Variants in BBLN observed in about 807,000 individuals in gnomAD.
The protein encoded by BBLN is bublin coiled-coil protein.
BBLN carries 6 observed loss-of-function variants against 7.6 expected under a neutral mutation model. The ratio of observed to expected loss-of-function variants is 0.79; its 90% CI spans 0.43 to 1.55. The LOEUF is 1.55. Ranked by LOEUF, BBLN falls within the 40% of genes most tolerant of loss-of-function variation. BBLN has a pLI of 0.01. For synonymous variants in BBLN, 35 were observed against 46.7 expected (o/e 0.75, Z 1.02); for missense variants, 100 against 111.1 (o/e 0.90, Z 0.45).
chr9:128,161,087 C>CAAAAAAAAAAA lies in BBLN; in HGVS notation c.79+609_79+610insAAAAAAAAAAA, dbSNP rs10524542. ...CACTGGGATGTGTCAGAATTAAATG[C>CAAAAAAAAAAA]AAAAAAAAGGAAAATCCTTAGCAGG... On this transcript the variant is annotated intron_variant, in intron 1 of 1. Transcript: ENST00000372994. Among the ~76,000 whole-genome samples the CAAAAAAAAAAA allele has an allele frequency of 7.9e-3, 993 of 125,868 alleles. 29 individuals are homozygous for CAAAAAAAAAAA. The highest frequency in any genetic ancestry group is 0.023 in the South Asian group (87 of 3,778). The allele number at this position is 125,868 out of a possible 152,430, so 82.6% of individuals were successfully genotyped here.
At position 128,160,420 on chromosome 9, in the gene BBLN, A is replaced by G; in HGVS notation, c.13A>G (p.Asn5Asp). The change falls in exon 1 of 2, where the codon AAC becomes GAC. Residue 5 changes from asparagine to aspartate, a missense_variant. Transcript: ENST00000372994. ...GCCCGAGCCCGCAATGTCGGGCCCCAACGGAGACCTGGGGATGCCGGTGGA... is the reference window on the plus strand; with the variant it reads ...GCCCGAGCCCGCAATGTCGGGCCCCGACGGAGACCTGGGGATGCCGGTGGA... MSGPNGDLGMPVEAG... is the reference protein window; with the variant it reads MSGPDGDLGMPVEAG... 2 of 1,267,306 alleles carry G rather than the reference A, an allele frequency of 1.6e-6. No homozygotes were observed. Among genetic ancestry groups the G allele is most frequent in the Admixed American group, 4.2e-5 (1 of 23,842 alleles). 78.5% of individuals were successfully genotyped at this position (1,267,306 alleles called of 1,614,324 possible). A position where few individuals can be genotyped will look rare whatever the true frequency, so the allele number is the denominator to read the frequency against.
In BBLN at chr9:128,163,397, C is replaced by A. The variant is rs543043015; in HGVS notation, c.80-46C>A. 1.0e-5 allele frequency: 15 copies of A among 1,478,322 alleles called. No homozygotes were observed. In the South Asian group the frequency reaches 2.1e-4, roughly 21 times the overall value. The allele number at this position is 1,478,322 out of a possible 1,614,324, so 91.6% of individuals were successfully genotyped here. A position where few individuals can be genotyped will look rare whatever the true frequency, so the allele number is the denominator to read the frequency against. ...AGTGGAGGGAGGGTGTCCATTAGCCCCAAGGAGACACAGGATCTGGGCTCT... is the reference window on the plus strand; with the variant it reads ...AGTGGAGGGAGGGTGTCCATTAGCCACAAGGAGACACAGGATCTGGGCTCT... On this transcript the variant is annotated intron_variant, in intron 1 of 1. Transcript: ENST00000372994. This position sits in a 1 kb window ranked among gnomAD's most constrained non-coding sequence, Gnocchi z 5.7.
intron 1 of BBLN, among the ~76,000 whole-genome samples, chr9:128,161,847 C>T (rs1405216867): frequency 1.3e-5 from 2 of 152,052 alleles, no homozygotes; most frequent in Admixed American, 6.6e-5. Context: ...TTCACCACGT[C>T]GGCTAGGCTG....
chr9:128,161,663 C>T (rs56307289), intron 1 of BBLN, among the ~76,000 whole-genome samples: 3,417 of 147,172 alleles, frequency 0.023, 120 homozygotes, highest in African/African-American at 0.082. Context: ...TTTTTTGAGT[C>T]GGAGTCTTGC....
intron 1 of BBLN, among the ~76,000 whole-genome samples, chr9:128,161,276 A>G (rs2130883082): frequency 4.6e-5 from 1 of 21,704 alleles, no homozygotes; most frequent in African/African-American, 5.1e-5. Context: ...TATACAACTT[A>G]CCCATACTGT....
intron 1 of BBLN, among the ~76,000 whole-genome samples, chr9:128,160,914 T>G: frequency 6.6e-6 from 1 of 152,164 alleles, no homozygotes; most frequent in Non-Finnish European, 1.5e-5. Context: ...CCTCACAGCC[T>G]TGCCAAATGT....
Position 128,163,306 on chromosome 9 carries a change from G to A in BBLN, c.80-137G>A. 1 of 674,956 alleles carries A rather than the reference G, an allele frequency of 1.5e-6. No homozygotes were observed. The highest frequency in any genetic ancestry group is 2.3e-6 in the Non-Finnish European group (1 of 428,914). 41.8% of individuals were successfully genotyped at this position (674,956 alleles called of 1,614,324 possible). ...TGGTATTCCACCCATTTTCCAGACG[G>A]TGACACTGAGGCTCAGGAAGCAGTA... On this transcript the variant is annotated intron_variant, in intron 1 of 1. Coordinates refer to ENST00000372994, the MANE Select transcript of BBLN (RefSeq NM_024112.4). This position sits in a 1 kb window ranked among gnomAD's most constrained non-coding sequence, Gnocchi z 5.7.
chr9:128,162,391 C>T (rs1189496910), intron 1 of BBLN: 1 of 152,416 alleles, frequency 6.6e-6, no homozygotes, highest in Non-Finnish European at 1.5e-5. Flanking sequence ...TGGGCACAGG[C>T]CCAGACCTTG....
In BBLN at chr9:128,163,520, C is replaced by G; in HGVS notation, c.157C>G (p.His53Asp). ...DHLEEKNDHLHARLQELLESN... is the reference protein window; with the variant it reads ...DHLEEKNDHLDARLQELLESN... ...CCTGGAGGAGAAGAATGACCACCTCCACGCCCGCCTCCAGGAGCTGCTGGA... is the reference window on the plus strand; with the variant it reads ...CCTGGAGGAGAAGAATGACCACCTCGACGCCCGCCTCCAGGAGCTGCTGGA... Residue 53 changes from histidine (H) to aspartate (D), a missense_variant, in exon 2 of 2, where the codon CAC becomes GAC. Physicochemically the swap from His to Asp is moderately conservative, Grantham distance 81. Transcript: ENST00000372994. This position sits in a 1 kb window ranked among gnomAD's most constrained non-coding sequence, Gnocchi z 5.7. The G allele has an allele frequency of 6.2e-7, 1 of 1,612,546 alleles. No homozygotes were observed. The highest frequency in any genetic ancestry group is 8.5e-7 in the Non-Finnish European group (1 of 1,179,108).
In BBLN at chr9:128,160,289, G is replaced by A; in HGVS notation, c.-119G>A. On this transcript the variant is annotated 5_prime_UTR_variant, in exon 1 of 2. Coordinates refer to ENST00000372994, the MANE Select transcript of BBLN (RefSeq NM_024112.4). ...CCTCTGGGCGGAGATCTGCTGCCGCGTTCTACCCTTCCGGCCCGTGTTCTA... is the reference window on the plus strand; with the variant it reads ...CCTCTGGGCGGAGATCTGCTGCCGCATTCTACCCTTCCGGCCCGTGTTCTA... The A allele has an allele frequency of 2.0e-6, 1 of 503,046 alleles. No individual in the cohort carries two copies. Among genetic ancestry groups the A allele is most frequent in the Non-Finnish European group, 3.1e-6 (1 of 321,044 alleles). 31.2% of individuals were successfully genotyped at this position (503,046 alleles called of 1,614,324 possible).
intron 1 of BBLN, chr9:128,161,920 G>C (rs951034405): frequency 2.0e-5 from 3 of 152,280 alleles, no homozygotes; most frequent in African/African-American, 7.2e-5. Flanking sequence ...TGGGATTACA[G>C]GCGTGAGCCA....
chr9:128,161,026 CCT>C (rs1486664489), intron 1 of BBLN, among the ~76,000 whole-genome samples: 2 of 138,034 alleles, frequency 1.4e-5, no homozygotes, highest in Admixed American at 8.5e-5. Flanking sequence ...TCAGTTTCCC[CCT>C]CTATAAAATA....
In BBLN at chr9:128,161,087, C is replaced by CA. The variant is rs10524542; in HGVS notation, c.79+609dup. Among the ~76,000 whole-genome samples, 653 of 125,952 alleles carry CA rather than the reference C, an allele frequency of 5.2e-3. 13 individuals carry two copies. The highest frequency in any genetic ancestry group is 0.018 in the African/African-American group (620 of 34,200). The allele number at this position is 125,952 out of a possible 152,430, so 82.6% of individuals were successfully genotyped here. On this transcript the variant is annotated intron_variant, in intron 1 of 1. Transcript: ENST00000372994. ...CACTGGGATGTGTCAGAATTAAATG[C>CA]AAAAAAAAGGAAAATCCTTAGCAGG...
intron 1 of BBLN, chr9:128,162,602 C>T (rs886950220): frequency 1.3e-5 from 2 of 152,338 alleles, no homozygotes; most frequent in African/African-American, 4.8e-5. Context: ...AAGTCAGAGG[C>T]TTCATTCATT....
At chr9:128,162,456 G>A (rs1829266310) in intron 1 of BBLN, 1 of 152,694 alleles carries the variant, frequency 6.5e-6, no homozygotes, top group Non-Finnish European at 1.5e-5. Context: ...GGCCGTGGAG[G>A]GGAGGGAGTG....
At chr9:128,161,331 C>T (rs1272172854) in intron 1 of BBLN, among the ~76,000 whole-genome samples, 1 of 152,208 alleles carries the variant, frequency 6.6e-6, no homozygotes, top group Admixed American at 6.5e-5. Flanking sequence ...GTACATCCAT[C>T]ACAATAGTTT....
chr9:128,161,023 C>T (rs1408888767), intron 1 of BBLN, among the ~76,000 whole-genome samples: 2 of 136,336 alleles, frequency 1.5e-5, no homozygotes, highest in East Asian at 4.8e-4. Context: ...GCCTCAGTTT[C>T]CCCCTCTATA....
chr9:128,162,879 G>A (rs1829269152), intron 1 of BBLN: 1 of 154,282 alleles, frequency 6.5e-6, no homozygotes, highest in Non-Finnish European at 1.5e-5. Flanking sequence ...TCATCCAGGA[G>A]GAGAGAAGGG....
intron 1 of BBLN, among the ~76,000 whole-genome samples, chr9:128,161,593 AT>A (rs1289324564): frequency 6.6e-6 from 1 of 151,870 alleles, no homozygotes; most frequent in Non-Finnish European, 1.5e-5. Flanking sequence ...CGAAATATTG[AT>A]AATAATGACC....
Sources: gnomAD v4.1 joint callset for allele counts (sites outside exome capture counted in the v4.1 genomes callset) on GRCh38, gnomAD v4.1.1 for gene constraint, Gnocchi (gnomAD v3.1) non-coding constraint, MANE v1.5 for transcripts, NCBI Gene and HGNC (gene_info 2026-07-23, HGNC 2026-07-21) for gene names.